The following ERICH6B variants were observed in gnomAD, a reference collection of about 807,000 sequenced individuals.
The protein encoded by ERICH6B is glutamate rich 6B, also known as glutamate-rich protein 6B.
ERICH6B carries 69 observed loss-of-function variants against 80.0 expected under a neutral mutation model. That is an observed-to-expected ratio of 0.86 (90% CI 0.71 to 1.05). ERICH6B has a LOEUF of 1.05. Ranked by LOEUF, ERICH6B falls within the 50% of genes least tolerant of loss-of-function variation. The probability of loss-of-function intolerance (pLI) is 0.00; values close to 1 mark genes in which losing one functional copy is unlikely to be tolerated. For synonymous variants in ERICH6B, 283 were observed against 291.9 expected (o/e 0.97, Z 0.31); for missense variants, 754 against 796.1 (o/e 0.95, Z 0.64).
At chr13:45,586,281 G>A (rs1242298671) in intron 5 of ERICH6B, among the ~76,000 whole-genome samples, 1 of 152,098 alleles carries the variant, frequency 6.6e-6, no homozygotes, top group Non-Finnish European at 1.5e-5. Context: ...ACAAAATTTA[G>A]CAGCCACGGA....
intron 7 of ERICH6B, among the ~76,000 whole-genome samples, chr13:45,577,551 G>A (rs1187782098): frequency 6.6e-6 from 1 of 151,858 alleles, no homozygotes; most frequent in Non-Finnish European, 1.5e-5. Flanking sequence ...CAAAATGCTG[G>A]GATTAAGAAC....
intron 2 of ERICH6B, among the ~76,000 whole-genome samples, chr13:45,605,143 T>C (rs1040931399): frequency 1.7e-4 from 26 of 152,084 alleles, no homozygotes; most frequent in African/African-American, 6.0e-4. Context: ...GTTCCCTGAC[T>C]CCCAACCCAC....
intron 11 of ERICH6B, chr13:45,553,030 A>G: frequency 4.1e-6 from 1 of 244,972 alleles, no homozygotes; most frequent in South Asian, 4.3e-5. Context: ...TCTTGTTGTG[A>G]AGTCTTTAAC....
Position 45,574,888 on chromosome 13 carries a change from G to C in ERICH6B, c.1004C>G (p.Thr335Arg). ...ASKENFWDGI[T>R]DESIDKLEVE... ...TTCCAGCTTGTCAATGGACTCATCTGTTATACCATCCCAAAAGTTCTCTTT... is the reference window on the plus strand; with the variant it reads ...TTCCAGCTTGTCAATGGACTCATCTCTTATACCATCCCAAAAGTTCTCTTT... The change falls in exon 8 of 15, where the codon ACA becomes AGA. Residue 335 changes from threonine to arginine, a missense_variant. By Grantham distance (71) the Thr-to-Arg change is moderately conservative (BLOSUM62 -1). Transcript: ENST00000298738. 1 of 1,551,366 alleles carries C rather than the reference G, an allele frequency of 6.4e-7. No individual in the cohort carries two copies. The highest frequency in any genetic ancestry group is 1.2e-5 in the South Asian group (1 of 84,038).
chr13:45,600,353 ATTTTATTTTTT>A (rs1270499213), intron 2 of ERICH6B, among the ~76,000 whole-genome samples: 1 of 151,894 alleles, frequency 6.6e-6, no homozygotes, highest in East Asian at 1.9e-4. Flanking sequence ...ATCCAGTTTC[ATTTTATTTTTT>A]TTTTATTTTG....
In ERICH6B at chr13:45,585,214, C is replaced by T. The variant is rs572213125; in HGVS notation, c.856+1849G>A. 2.6e-5 allele frequency among the ~76,000 whole-genome samples: 4 copies of T among 152,308 alleles called. No individual in the cohort carries two copies. In the South Asian group the frequency reaches 8.3e-4, roughly 32 times the overall value. On this transcript the variant is annotated intron_variant, in intron 5 of 14. Transcript: ENST00000298738. Reference sequence around the variant, plus strand: ...GCTGGTTGCCTTTTCCCTCTCTCAGCAGGGCTCACAGGACCTAGGCTTCCC... The same window carrying T: ...GCTGGTTGCCTTTTCCCTCTCTCAGTAGGGCTCACAGGACCTAGGCTTCCC...
chr13:45,602,250 C>A (rs1044998968), intron 2 of ERICH6B, among the ~76,000 whole-genome samples: 1 of 152,088 alleles, frequency 6.6e-6, no homozygotes, highest in Non-Finnish European at 1.5e-5. Context: ...GGTACCTCTG[C>A]CTGGGAAAGC....
At position 45,596,684 on chromosome 13, in the gene ERICH6B, C is replaced by CT. The variant is rs1876399098; in HGVS notation, c.321dup (p.Glu108ArgfsTer4). 1.9e-6 allele frequency: 3 copies of CT among 1,551,974 alleles called. No homozygotes were observed. The Admixed American group carries it at 5.9e-5, about 30-fold the overall frequency. On this transcript the variant is annotated frameshift_variant, in exon 3 of 15. Transcript: ENST00000298738. LOFTEE classifies it high-confidence loss of function. Reference sequence around the variant, plus strand: ...AGATACTCTTCCTCTTCAATATACTCTTCCTCCTCCAGATACCCTGCCTTC... The same window carrying CT: ...AGATACTCTTCCTCTTCAATATACTCTTTCCTCCTCCAGATACCCTGCCTTC...
At chr13:45,587,260 A>G in intron 4 of ERICH6B, 28 bp from the exon 5 acceptor site, 1 of 1,549,430 alleles carries the variant, frequency 6.5e-7, no homozygotes. Flanking sequence ...AGGAAGGTCA[A>G]CTTCCAGACA....
intron 5 of ERICH6B, among the ~76,000 whole-genome samples, chr13:45,580,904 C>G (rs1000290518): frequency 6.6e-6 from 1 of 152,100 alleles, no homozygotes; most frequent in Non-Finnish European, 1.5e-5. Context: ...AAAATGTAAC[C>G]CTGTTGTGGC....
chr13:45,549,343 G>A (rs1874119228), intron 13 of ERICH6B, among the ~76,000 whole-genome samples: 1 of 151,936 alleles, frequency 6.6e-6, no homozygotes, highest in South Asian at 2.1e-4. Flanking sequence ...AGGGAGGGAA[G>A]GAAAAAATCC....
At chr13:45,564,370 G>T (rs1874827090) in intron 9 of ERICH6B, among the ~76,000 whole-genome samples, 1 of 152,214 alleles carries the variant, frequency 6.6e-6, no homozygotes, top group Admixed American at 6.5e-5. Context: ...AAATAAGTGT[G>T]CTCTCCAGGG....
At chr13:45,593,189 G>A (rs9567556) in intron 3 of ERICH6B, among the ~76,000 whole-genome samples, 18,641 of 152,164 alleles carry the variant, frequency 0.12, 1,313 homozygotes, top group East Asian at 0.23. Context: ...AAGGAAGAGA[G>A]GTGGGTGGGG....
chr13:45,563,540 G>T (rs1215899238), intron 10 of ERICH6B, 187 bp downstream of exon 10: 4 of 616,680 alleles, frequency 6.5e-6, no homozygotes, highest in Admixed American at 5.7e-5. Context: ...AACTCACTGG[G>T]GCCCTAGACT....
At chr13:45,543,050 A>G (rs1026314078) in intron 14 of ERICH6B, among the ~76,000 whole-genome samples, 2 of 152,140 alleles carry the variant, frequency 1.3e-5, no homozygotes, top group African/African-American at 4.8e-5. Flanking sequence ...GGACATGTCC[A>G]TCTGTCTGTC....
At chr13:45,552,724 T>TA (rs1309026526) in intron 11 of ERICH6B, 3 of 152,434 alleles carry the variant, frequency 2.0e-5, no homozygotes, top group Non-Finnish European at 4.4e-5. Context: ...TCCAGGGAAA[T>TA]AGAGATTTTG....
intron 7 of ERICH6B, among the ~76,000 whole-genome samples, chr13:45,575,406 C>T (rs1875356417): frequency 6.6e-6 from 1 of 152,054 alleles, no homozygotes; most frequent in Non-Finnish European, 1.5e-5. Context: ...GTTGCACATC[C>T]CGAGGGGAGG....
At position 45,541,667 on chromosome 13, in the gene ERICH6B, T is replaced by G; in HGVS notation, c.1886A>C (p.Glu629Ala). 6.5e-7 allele frequency: 1 copy of G among 1,550,334 alleles called. No homozygotes were observed. Among genetic ancestry groups the G allele is most frequent in the Non-Finnish European group, 8.7e-7 (1 of 1,146,984 alleles). Residue 629 changes from glutamate (E) to alanine (A), a missense_variant, in exon 15 of 15, where the codon GAG (glutamate) becomes GCG (alanine). Physicochemically the swap from Glu to Ala is moderately radical, Grantham distance 107. Coordinates refer to ENST00000298738, the MANE Select transcript of ERICH6B (RefSeq NM_182542.3). ...TTTCTTCTTCATTTCGCTCAGCACC[T>G]CTGGGATCACAAACTGTGGGGATTC... ...LGTRYKFVIPEVLSEMKKKTI... is the reference protein window; with the variant it reads ...LGTRYKFVIPAVLSEMKKKTI...
chr13:45,601,094 T>G lies in ERICH6B; in HGVS notation c.-58-4031A>C, dbSNP rs979708507. On this transcript the variant is annotated intron_variant, in intron 2 of 14. Transcript: ENST00000298738. ...TGATGTTTCTTGTTAATTTCCCATC[T>G]ACCCTGACGATGCCTTGATGTTTCC... 2.0e-5 allele frequency among the ~76,000 whole-genome samples: 3 copies of G among 152,194 alleles called. No individual in the cohort carries two copies. The South Asian group carries it at 6.2e-4, about 32-fold the overall frequency.
Sources: allele counts gnomAD v4.1 joint callset (sites outside exome capture counted in the v4.1 genomes callset), GRCh38; gene constraint gnomAD v4.1.1; transcripts MANE v1.5; gene names NCBI Gene and HGNC (gene_info 2026-07-23, HGNC 2026-07-21).